KIF16B: variants seen among roughly 807,000 people sequenced by gnomAD.
The protein encoded by KIF16B is kinesin-like protein KIF16B.
Under a neutral mutation model 156.3 loss-of-function variants are expected in KIF16B, and 98 were observed. The observed-to-expected ratio is 0.63, with a 90% CI of 0.53 to 0.74. KIF16B has a LOEUF of 0.74. Among genes scored for constraint, KIF16B ranks in the 30% least tolerant of loss-of-function variants. KIF16B has a pLI of 0.00. For synonymous variants in KIF16B, 564 were observed against 583.7 expected, an observed-to-expected ratio of 0.97 and a Z score of 0.49; for missense variants, 1,421 against 1,606.5, an observed-to-expected ratio of 0.88 and a Z score of 1.97.
chr20:16,475,052 C>T (rs758971045), intron 12 of KIF16B, among the ~76,000 whole-genome samples: 6 of 152,198 alleles, frequency 3.9e-5, no homozygotes, highest in Non-Finnish European at 7.3e-5. Context: ...ACAATAATGA[C>T]CATCATAGTT....
intron 25 of KIF16B, among the ~76,000 whole-genome samples, chr20:16,302,673 T>G (rs1373892578): frequency 6.6e-6 from 1 of 152,246 alleles, no homozygotes; most frequent in African/African-American, 2.4e-5. Context: ...GTCTTTGATT[T>G]CCTTCATCAG....
At chr20:16,536,878 G>A (rs1312031567) in intron 1 of KIF16B, among the ~76,000 whole-genome samples, 1 of 152,028 alleles carries the variant, frequency 6.6e-6, no homozygotes, top group Non-Finnish European at 1.5e-5. Flanking sequence ...ACCCCTAGGG[G>A]CTTTAACTGT....
chr20:16,482,567 T>C (rs1050236745), intron 12 of KIF16B, among the ~76,000 whole-genome samples: 1 of 152,160 alleles, frequency 6.6e-6, no homozygotes, highest in Non-Finnish European at 1.5e-5. Context: ...AAAATGACTT[T>C]AAATACACAG....
Position 16,377,031 on chromosome 20 carries a change from T to C in KIF16B, c.3197+1774A>G, listed in dbSNP as rs1360071760. 2.6e-5 allele frequency among the ~76,000 whole-genome samples: 4 copies of C among 152,216 alleles called. No homozygotes were observed. The East Asian group carries it at 7.7e-4, about 29-fold the overall frequency. ...TAATCCATAGCATAAGCCAATCATT[T>C]GAATGGAGGTTGTCCTGAACTTTTC... On this transcript the variant is annotated intron_variant, in intron 19 of 25. Coordinates refer to ENST00000354981, the MANE Select transcript of KIF16B (RefSeq NM_024704.5).
chr20:16,512,737 A>T, intron 5 of KIF16B, 89 bp downstream of exon 5: 1 of 810,778 alleles, frequency 1.2e-6, no homozygotes, highest in South Asian at 1.5e-5. Flanking sequence ...GAATCTAAAG[A>T]CCTTATCCAT....
chr20:16,506,039 T>C lies in KIF16B; in HGVS notation c.851A>G (p.Asn284Ser). Residue 284 changes from asparagine (N) to serine (S), a missense_variant, in exon 8 of 26, where the codon AAC (asparagine) becomes AGC (serine). By Grantham distance (46) the Asn-to-Ser change is conservative. Coordinates refer to ENST00000354981, the MANE Select transcript of KIF16B (RefSeq NM_024704.5). ...NINKSLVTLGNVISALADLSQ... is the reference protein window; with the variant it reads ...NINKSLVTLGSVISALADLSQ... ...AAGCATACCTAAGGCAGAAATGACGTTCCCCAGAGTCACGAGGGACTTGTT... is the reference window on the plus strand; with the variant it reads ...AAGCATACCTAAGGCAGAAATGACGCTCCCCAGAGTCACGAGGGACTTGTT... The C allele has an allele frequency of 6.2e-7, 1 of 1,614,154 alleles. No homozygotes were observed. Among genetic ancestry groups the C allele is most frequent in the Non-Finnish European group, 8.5e-7 (1 of 1,180,006 alleles).
At chr20:16,482,598 T>C (rs2068010857) in intron 12 of KIF16B, among the ~76,000 whole-genome samples, 1 of 152,194 alleles carries the variant, frequency 6.6e-6, no homozygotes, top group South Asian at 2.1e-4. Context: ...GTGCCATTCT[T>C]CAGTTCTAAC....
intron 25 of KIF16B, among the ~76,000 whole-genome samples, chr20:16,304,933 C>A (rs1427260391): frequency 1.3e-5 from 2 of 152,132 alleles, no homozygotes; most frequent in Non-Finnish European, 2.9e-5. Flanking sequence ...GTGTTGCAGG[C>A]ACCATAAGCC....
chr20:16,357,866 G>A (rs1490028321), intron 22 of KIF16B, among the ~76,000 whole-genome samples: 1 of 152,098 alleles, frequency 6.6e-6, no homozygotes, highest in Non-Finnish European at 1.5e-5. Flanking sequence ...TATCATAATG[G>A]TACACCGATT....
At chr20:16,306,807 C>T (rs1207468590) in intron 25 of KIF16B, among the ~76,000 whole-genome samples, 7 of 152,158 alleles carry the variant, frequency 4.6e-5, no homozygotes, top group African/African-American at 9.7e-5. Flanking sequence ...ACAGGACCAA[C>T]GAACATTTTC....
In KIF16B at chr20:16,572,593, A is replaced by C. The variant is rs569565372; in HGVS notation, c.47+636T>G. On this transcript the variant is annotated intron_variant, in intron 1 of 25. Transcript: ENST00000354981. ...AAGAGAAGGATTCTGAAAAAGCATT[A>C]CTTCGTAGAAATATATAACAAGATT... 3.9e-5 allele frequency among the ~76,000 whole-genome samples: 6 copies of C among 152,362 alleles called. No individual in the cohort carries two copies. In the South Asian group the frequency reaches 1.2e-3, roughly 32 times the overall value.
intron 25 of KIF16B, among the ~76,000 whole-genome samples, chr20:16,278,667 AAAAC>A (rs758654103): frequency 5.9e-5 from 9 of 152,294 alleles, no homozygotes; most frequent in South Asian, 2.1e-4. Flanking sequence ...AAATCTCCCC[AAAAC>A]AAACAAACAC....
rs367589854 is a variant in KIF16B, at chr20:16,538,606, CG to C, written c.48-10167del. On this transcript the variant is annotated intron_variant, in intron 1 of 25. Transcript: ENST00000354981. Reference sequence around the variant, plus strand: ...ATAGATCAATATGGGGGGAGGAGGACGAAAGGAAAGGAAAAGATTTAAAATA... The same window carrying C: ...ATAGATCAATATGGGGGGAGGAGGACAAAGGAAAGGAAAAGATTTAAAATA... 1.3e-3 allele frequency among the ~76,000 whole-genome samples: 195 copies of C among 151,506 alleles called. 6 individuals are homozygous for C. In the South Asian group the frequency reaches 0.031, roughly 24 times the overall value.
At chr20:16,439,981 C>T (rs950518277) in intron 12 of KIF16B, among the ~76,000 whole-genome samples, 2 of 152,188 alleles carry the variant, frequency 1.3e-5, no homozygotes, top group African/African-American at 4.8e-5. Context: ...AAGGTCCCTG[C>T]TCAGACAAAG....
chr20:16,401,506 G>A (rs1481549644), intron 17 of KIF16B, among the ~76,000 whole-genome samples: 1 of 152,124 alleles, frequency 6.6e-6, no homozygotes, highest in Non-Finnish European at 1.5e-5. Flanking sequence ...TTCCCAAAGG[G>A]ACTCAGGTGT....
Position 16,468,575 on chromosome 20 carries a change from CAAA to C in KIF16B, c.1302+25713_1302+25715del, listed in dbSNP as rs550510241. Reference sequence around the variant, plus strand: ...TGGGTGACAGAGCAAGACTCCGTCTCAAAAAAAAAAAAAAAAAAAAAAAAGGAA... The same window carrying C: ...TGGGTGACAGAGCAAGACTCCGTCTCAAAAAAAAAAAAAAAAAAAAAGGAA... On this transcript the variant is annotated intron_variant, in intron 12 of 25. Coordinates refer to ENST00000354981, the MANE Select transcript of KIF16B (RefSeq NM_024704.5). Among the ~76,000 whole-genome samples, 93 of 35,816 alleles carry C rather than the reference CAAA, an allele frequency of 2.6e-3. No homozygotes were observed. In the East Asian group the frequency reaches 0.031, roughly 12 times the overall value. 23.5% of individuals were successfully genotyped at this position (35,816 alleles called of 152,430 possible). A position where few individuals can be genotyped will look rare whatever the true frequency, so the allele number is the denominator to read the frequency against.
intron 23 of KIF16B, among the ~76,000 whole-genome samples, chr20:16,346,786 C>T (rs978161163): frequency 6.6e-6 from 1 of 152,150 alleles, no homozygotes; most frequent in African/African-American, 2.4e-5. Flanking sequence ...AAGTGCTTCC[C>T]CCTCTGCCAA....
intron 25 of KIF16B, among the ~76,000 whole-genome samples, chr20:16,297,696 A>AG (rs1289031689): frequency 5.4e-5 from 6 of 111,108 alleles, no homozygotes; most frequent in East Asian, 2.6e-4. Flanking sequence ...ACTCCATCTC[A>AG]GAAAAAAAAA....
At position 16,378,787 on chromosome 20, in the gene KIF16B, C is replaced by G. The variant is rs774125190; in HGVS notation, c.3197+18G>C. ...TTTGGCACCCACTGTATGCCACACC[C>G]TTCCTTCCCAATCTCACCTCTCCTG... On this transcript the variant is annotated intron_variant, in intron 19 of 25. Transcript: ENST00000354981. 1.9e-6 allele frequency: 3 copies of G among 1,575,582 alleles called. No individual in the cohort carries two copies. Among genetic ancestry groups the G allele is most frequent in the Admixed American group, 1.8e-5 (1 of 54,100 alleles).
Sources: allele counts gnomAD v4.1 joint callset (sites outside exome capture counted in the v4.1 genomes callset), GRCh38; gene constraint gnomAD v4.1.1; transcripts MANE v1.5; gene names NCBI Gene and HGNC (gene_info 2026-07-23, HGNC 2026-07-21).